The following IGFL2 variants were observed in gnomAD, a reference collection of about 807,000 sequenced individuals.
IGFL2 encodes insulin growth factor-like family member 2.
A neutral mutation model predicts 13.9 loss-of-function variants in IGFL2; 7 were observed. The ratio of observed to expected loss-of-function variants is 0.51; its 90% CI spans 0.29 to 0.95. The LOEUF (loss-of-function observed/expected upper bound fraction) is 0.95, where lower values mean the gene tolerates loss of function less well. Ranked by LOEUF, IGFL2 falls within the 40% of genes least tolerant of loss-of-function variation. The pLI, the probability that IGFL2 is intolerant of heterozygous loss-of-function variation, is 0.08. For missense variants in IGFL2, 138 were observed against 147.8 expected (o/e 0.93, Z 0.34); for synonymous variants, 55 against 55.8 (o/e 0.99, Z 0.07).
At chr19:46,165,284 C>G (rs1974345047), downstream of IGFL2, among the ~76,000 whole-genome samples, 1 of 152,214 alleles carries the variant, frequency 6.6e-6, no homozygotes, top group Non-Finnish European at 1.5e-5. Context: ...GTATTCCGGT[C>G]CCAACTATGG....
At chr19:46,112,944 AGTTT>A in the IGFL2 span, 1 of 152,228 alleles carries the variant, frequency 6.6e-6, no homozygotes, top group Non-Finnish European at 1.5e-5. Context: ...AACACTTGTA[AGTTT>A]GTTTTAATAC....
At chr19:46,129,305 TTTTGTGTGTGTGTGTGTG>T in the IGFL2 span, among the ~76,000 whole-genome samples, 1 of 128,326 alleles carries the variant, frequency 7.8e-6, no homozygotes, top group African/African-American at 3.1e-5. Context: ...TTTGTTGATC[TTTTGTGTGTGTGTGTGTG>T]TGTGTGTGTG....
At chr19:46,185,341 A>G in the IGFL2 span, among the ~76,000 whole-genome samples, 5 of 152,150 alleles carry the variant, frequency 3.3e-5, no homozygotes, top group African/African-American at 7.2e-5. Flanking sequence ...AGGGTGGGCC[A>G]TGCCTCCAGT....
the IGFL2 span, among the ~76,000 whole-genome samples, chr19:46,174,853 T>C: frequency 6.6e-6 from 1 of 152,268 alleles, no homozygotes; most frequent in African/African-American, 2.4e-5. Flanking sequence ...AGGTCATTGA[T>C]GCTTTTAAGA....
At chr19:46,136,648 G>A in the IGFL2 span, 1 of 418,360 alleles carries the variant, frequency 2.4e-6, no homozygotes, top group Non-Finnish European at 4.6e-6. Flanking sequence ...CCCATGTGCA[G>A]ATATTAATAA....
At chr19:46,082,242 C>G in the IGFL2 span, among the ~76,000 whole-genome samples, 15 of 152,314 alleles carry the variant, frequency 9.8e-5, no homozygotes, top group Middle Eastern at 3.4e-3. Flanking sequence ...GATGTATTTA[C>G]TATTACTACT....
At position 46,151,893 on chromosome 19, in the gene IGFL2, C is replaced by T. The variant is rs571438461; in HGVS notation, c.19+3596C>T. Among the ~76,000 whole-genome samples the T allele has an allele frequency of 8.1e-4, 123 of 152,336 alleles. 2 individuals are homozygous for T. The Middle Eastern group carries it at 0.017, about 21-fold the overall frequency. On this transcript the variant is annotated intron_variant, in intron 1 of 3. Coordinates refer to ENST00000377693, the MANE Select transcript of IGFL2 (RefSeq NM_001135113.2). ...CGCCACTGCACTCCAGCCTGGGTGA[C>T]AGAGTGACACTTGATCTCACAAAAG...
chr19:46,116,977 TAAC>T, the IGFL2 span, among the ~76,000 whole-genome samples: 2 of 152,192 alleles, frequency 1.3e-5, no homozygotes, highest in African/African-American at 2.4e-5. Flanking sequence ...GCAATTATAA[TAAC>T]TAGTAAAAAT....
the IGFL2 span, chr19:46,204,323 G>GC: frequency 1.3e-5 from 2 of 152,324 alleles, no homozygotes; most frequent in African/African-American, 2.4e-5. Flanking sequence ...CCTGGGACTG[G>GC]GGGGGGTTGC....
the IGFL2 span, among the ~76,000 whole-genome samples, chr19:46,201,116 C>T: frequency 2.0e-5 from 3 of 152,230 alleles, no homozygotes; most frequent in Non-Finnish European, 2.9e-5. Context: ...AAGGAGAACA[C>T]GCTGTCCCCT....
At chr19:46,108,252 A>T in the IGFL2 span, among the ~76,000 whole-genome samples, 1 of 152,010 alleles carries the variant, frequency 6.6e-6, no homozygotes, top group Non-Finnish European at 1.5e-5. Context: ...AGGATTTGGG[A>T]TGGGTCGCAT....
the IGFL2 span, among the ~76,000 whole-genome samples, chr19:46,210,861 G>GGTGT: frequency 1.9e-3 from 291 of 152,292 alleles, 2 homozygotes; most frequent in African/African-American, 6.0e-3. Flanking sequence ...CATCACAGAG[G>GGTGT]GTGTGCATGA....
chr19:46,210,930 G>C, the IGFL2 span, among the ~76,000 whole-genome samples: 1 of 152,210 alleles, frequency 6.6e-6, no homozygotes, highest in Non-Finnish European at 1.5e-5. Flanking sequence ...GTCTGCAGAG[G>C]CTGGAAGCTT....
the IGFL2 span, among the ~76,000 whole-genome samples, chr19:46,170,458 G>A: frequency 4.7e-4 from 72 of 152,094 alleles, no homozygotes; most frequent in African/African-American, 1.6e-3. Context: ...CAAATTGTTC[G>A]TAAAGCATGT....
the IGFL2 span, among the ~76,000 whole-genome samples, chr19:46,098,371 C>T: frequency 4.6e-5 from 7 of 152,008 alleles, no homozygotes; most frequent in African/African-American, 1.4e-4. Context: ...TTCCTTCATC[C>T]CTTTATTTTG....
chr19:46,125,876 A>G, the IGFL2 span, among the ~76,000 whole-genome samples: 1 of 152,208 alleles, frequency 6.6e-6, no homozygotes, highest in South Asian at 2.1e-4. Flanking sequence ...AAATAATAAT[A>G]TCTTTAATAT....
the IGFL2 span, among the ~76,000 whole-genome samples, chr19:46,100,048 T>G: frequency 3.3e-5 from 5 of 152,148 alleles, no homozygotes; most frequent in Admixed American, 6.5e-5. Context: ...GTTCTTGGCT[T>G]CTTTGCATTG....
upstream of IGFL2, among the ~76,000 whole-genome samples, chr19:46,139,920 C>T (rs980864695): frequency 1.3e-5 from 2 of 151,076 alleles, no homozygotes; most frequent in African/African-American, 4.9e-5. Context: ...GTATGAGATA[C>T]ACATATATTT....
the IGFL2 span, among the ~76,000 whole-genome samples, chr19:46,171,888 T>C: frequency 6.6e-6 from 1 of 152,108 alleles, no homozygotes; most frequent in Non-Finnish European, 1.5e-5. Flanking sequence ...GTGGGTGCCG[T>C]ACAGGTAAAA....
Sources: gnomAD v4.1 joint callset for allele counts (sites outside exome capture counted in the v4.1 genomes callset) on GRCh38, gnomAD v4.1.1 for gene constraint, MANE v1.5 for transcripts, NCBI Gene and HGNC (gene_info 2026-07-23, HGNC 2026-07-21) for gene names.